Variants in NMT2 observed in about 807,000 individuals in gnomAD.
NMT2 encodes the protein glycylpeptide N-tetradecanoyltransferase 2.
Under a neutral mutation model 65.4 loss-of-function variants are expected in NMT2, and 35 were observed. That is an observed-to-expected ratio of 0.54 (90% CI 0.41 to 0.71). NMT2 has a LOEUF of 0.71. Ranked by LOEUF, NMT2 falls within the 30% of genes least tolerant of loss-of-function variation. The pLI is 0.00. For synonymous variants in NMT2, 226 were observed against 231.8 expected (o/e 0.98, Z 0.23); for missense variants, 489 against 611.3 (o/e 0.80, Z 2.11).
intron 8 of NMT2, among the ~76,000 whole-genome samples, chr10:15,120,250 A>G (rs899279907): frequency 5.3e-5 from 8 of 152,226 alleles, no homozygotes; most frequent in African/African-American, 1.7e-4. Context: ...TTGAGGTCAG[A>G]AGTTCGAGAC....
At chr10:15,161,887 G>A (rs1833210831) in intron 1 of NMT2, among the ~76,000 whole-genome samples, 1 of 152,104 alleles carries the variant, frequency 6.6e-6, no homozygotes, top group Non-Finnish European at 1.5e-5. Context: ...CTTGTGAGAT[G>A]GTAGAATATT....
At chr10:15,137,105 A>G (rs1364983787) in intron 2 of NMT2, among the ~76,000 whole-genome samples, 1 of 152,152 alleles carries the variant, frequency 6.6e-6, no homozygotes, top group Non-Finnish European at 1.5e-5. Context: ...AGAAGTTTAT[A>G]AACAGCAACT....
At chr10:15,158,052 C>G (rs909209527) in intron 1 of NMT2, among the ~76,000 whole-genome samples, 1 of 152,124 alleles carries the variant, frequency 6.6e-6, no homozygotes, top group Non-Finnish European at 1.5e-5. Flanking sequence ...CGGTGGCTCA[C>G]GCTTGTAGAC....
At chr10:15,113,099 G>T (rs573066691) in intron 9 of NMT2, 136 bp from the exon 10 acceptor site, 3 of 890,092 alleles carry the variant, frequency 3.4e-6, no homozygotes, top group South Asian at 3.0e-5. Flanking sequence ...AGTCCAATTT[G>T]GGGCCCCTTA....
chr10:15,157,388 G>A (rs1833039213), intron 1 of NMT2, among the ~76,000 whole-genome samples: 1 of 152,168 alleles, frequency 6.6e-6, no homozygotes, highest in Non-Finnish European at 1.5e-5. Flanking sequence ...GCAGCAATGG[G>A]GTACAAGAGG....
At chr10:15,157,190 C>T (rs1833032022) in intron 1 of NMT2, among the ~76,000 whole-genome samples, 1 of 152,104 alleles carries the variant, frequency 6.6e-6, no homozygotes, top group African/African-American at 2.4e-5. Context: ...CCTATTTCCC[C>T]GGGGCACTGT....
At chr10:15,156,443 G>T (rs1010436897) in intron 1 of NMT2, among the ~76,000 whole-genome samples, 3 of 152,088 alleles carry the variant, frequency 2.0e-5, no homozygotes, top group African/African-American at 4.8e-5. Context: ...AAATTACCCG[G>T]TCTAACGTAC....
At chr10:15,154,449 T>C (rs1035057258) in intron 1 of NMT2, among the ~76,000 whole-genome samples, 1 of 152,202 alleles carries the variant, frequency 6.6e-6, no homozygotes. Flanking sequence ...CAGTATACAG[T>C]AGGTGCCCCT....
At position 15,135,458 on chromosome 10, in the gene NMT2, C is replaced by T. The variant is rs375680123; in HGVS notation, c.247-40G>A. 2.5e-6 allele frequency: 4 copies of T among 1,602,810 alleles called. No homozygotes were observed. In the East Asian group the frequency reaches 9.0e-5, roughly 36 times the overall value. ...ACAGACACAGAATATGAGAGAGCGG[C>T]TGCTGATGTTAAACTTGAGCAGACG... On this transcript the variant is annotated intron_variant, in intron 2 of 11. Transcript: ENST00000378165.
At chr10:15,136,291 A>G (rs1166814101) in intron 2 of NMT2, among the ~76,000 whole-genome samples, 1 of 148,978 alleles carries the variant, frequency 6.7e-6, no homozygotes, top group Non-Finnish European at 1.5e-5. Context: ...GAAAGGAGGG[A>G]GAGAGAGAGA....
At chr10:15,168,479 G>C (rs1294093188) in intron 1 of NMT2, 24 bp downstream of exon 1, 3 of 1,551,120 alleles carry the variant, frequency 1.9e-6, no homozygotes, top group Non-Finnish European at 1.7e-6. Flanking sequence ...TGTCGCGCCC[G>C]GTGCGCCAGC....
At chr10:15,115,097 T>C (rs868133456) in intron 9 of NMT2, among the ~76,000 whole-genome samples, 26 of 152,016 alleles carry the variant, frequency 1.7e-4, no homozygotes, top group Admixed American at 1.5e-3. Context: ...CTAGCAGACA[T>C]ACCCTGAGAC....
At position 15,106,181 on chromosome 10, in the gene NMT2, A is replaced by C; in HGVS notation, c.*3014T>G. 1 of 234,994 alleles carries C rather than the reference A, an allele frequency of 4.3e-6. No homozygotes were observed. Among genetic ancestry groups the C allele is most frequent in the Non-Finnish European group, 8.8e-6 (1 of 113,428 alleles). 14.6% of individuals were successfully genotyped at this position (234,994 alleles called of 1,614,324 possible). A position where few individuals can be genotyped will look rare whatever the true frequency, so the allele number is the denominator to read the frequency against. ...GCTAGTTTTTGTAATTTTAGTAGAG[A>C]TAGGGCTTCACCATGTTGGCCAGGC... On this transcript the variant is annotated 3_prime_UTR_variant, in exon 12 of 12. Transcript: ENST00000378165.
Position 15,132,854 on chromosome 10 carries a change from T to G in NMT2, c.682A>C (p.Ile228Leu). Residue 228 changes from isoleucine (I) to leucine (L), a missense_variant, in exon 6 of 12, where the codon ATA (isoleucine) becomes CTA (leucine). Ile to Leu is a conservative substitution (Grantham distance 5). Transcript: ENST00000378165. ...CGAATGTTTGCTGGGATGGCACTTA[T>G]GAACCCGACCAGTTTTTTATTTGAA... The part of the protein sequence containing the change: ...VSSNKKLVGF[I>L]SAIPANIRIY... The G allele has an allele frequency of 6.2e-7, 1 of 1,613,916 alleles. No individual in the cohort carries two copies. Among genetic ancestry groups the G allele is most frequent in the Non-Finnish European group, 8.5e-7 (1 of 1,179,880 alleles).
At chr10:15,122,426 T>A (rs1169846132) in intron 8 of NMT2, among the ~76,000 whole-genome samples, 2 of 151,740 alleles carry the variant, frequency 1.3e-5, no homozygotes, top group African/African-American at 4.8e-5. Context: ...TTACACTCTT[T>A]TTTTTTTTTG....
intron 9 of NMT2, among the ~76,000 whole-genome samples, chr10:15,117,210 G>A (rs574937952): frequency 3.9e-5 from 6 of 152,214 alleles, no homozygotes; most frequent in East Asian, 3.9e-4. Context: ...TGACCAAGTG[G>A]ATATTTTCTA....
chr10:15,107,203 A>G lies in NMT2; in HGVS notation c.*1992T>C. 2 of 289,314 alleles carry G rather than the reference A, an allele frequency of 6.9e-6. No homozygotes were observed. The highest frequency in any genetic ancestry group is 1.0e-5 in the Non-Finnish European group (2 of 193,692). The allele number at this position is 289,314 out of a possible 1,614,324, so 17.9% of individuals were successfully genotyped here. A position where few individuals can be genotyped will look rare whatever the true frequency, so the allele number is the denominator to read the frequency against. ...TTTGTGTAATTTGCACATGTCACAAAATGATGTCATTTTTTGGCTTTTTCT... is the reference window on the plus strand; with the variant it reads ...TTTGTGTAATTTGCACATGTCACAAGATGATGTCATTTTTTGGCTTTTTCT... On this transcript the variant is annotated 3_prime_UTR_variant, in exon 12 of 12. Transcript: ENST00000378165.
Position 15,108,077 on chromosome 10 carries a change from A to G in NMT2, c.*1118T>C, listed in dbSNP as rs1845368596. On this transcript the variant is annotated 3_prime_UTR_variant, in exon 12 of 12. Coordinates refer to ENST00000378165, the MANE Select transcript of NMT2 (RefSeq NM_004808.3). The stretch of plus-strand genomic sequence containing the variant: ...TAAGTTCCACCAGGCATCTCTTTTG[A>G]CTTTACAGTTTTTTATTTCCTTTTC... 1 of 985,480 alleles carries G rather than the reference A, an allele frequency of 1.0e-6. No homozygotes were observed. The highest frequency in any genetic ancestry group is 1.7e-5 in the African/African-American group (1 of 57,190). The allele number at this position is 985,480 out of a possible 1,614,324, so 61.0% of individuals were successfully genotyped here. A position where few individuals can be genotyped will look rare whatever the true frequency, so the allele number is the denominator to read the frequency against.
At chr10:15,167,839 G>A (rs1833425343) in intron 1 of NMT2, among the ~76,000 whole-genome samples, 1 of 152,192 alleles carries the variant, frequency 6.6e-6, no homozygotes, top group Admixed American at 6.5e-5. Flanking sequence ...CCAGGTCAGC[G>A]GGAGCCCGGT....
Sources: gnomAD v4.1 joint callset for allele counts (sites outside exome capture counted in the v4.1 genomes callset) on GRCh38, gnomAD v4.1.1 for gene constraint, MANE v1.5 for transcripts, NCBI Gene and HGNC (gene_info 2026-07-23, HGNC 2026-07-21) for gene names.